PCTP: variants seen among roughly 807,000 people sequenced by gnomAD.
PCTP encodes phosphatidylcholine transfer protein, also known as START domain-containing protein 2.
PCTP carries 27 observed loss-of-function variants against 31.0 expected under a neutral mutation model. The ratio of observed to expected loss-of-function variants is 0.87; its 90% CI spans 0.64 to 1.20. The LOEUF (loss-of-function observed/expected upper bound fraction) is 1.20. Ranked by LOEUF, PCTP falls within the 50% of genes most tolerant of loss-of-function variation. The pLI, the probability that PCTP is intolerant of heterozygous loss-of-function variation, is 0.00. For synonymous variants in PCTP, 108 were observed against 101.2 expected (o/e 1.07, Z -0.40); for missense variants, 287 against 268.2 (o/e 1.07, Z -0.49).
chr17:55,768,037 T>C (rs1910781072), intron 2 of PCTP, among the ~76,000 whole-genome samples: 1 of 149,600 alleles, frequency 6.7e-6, no homozygotes, highest in South Asian at 2.1e-4. Context: ...GAGGTTGCAG[T>C]GAGCCAAGAC....
Position 55,777,229 on chromosome 17 carries a change from A to G in PCTP, c.*1129A>G. ...GGGAAAAATTTTAATCACTGTGTAT[A>G]ATGATACTGAACCTTGATTAATAAC... On this transcript the variant is annotated 3_prime_UTR_variant, in exon 6 of 6. Transcript: ENST00000268896. 1.0e-6 allele frequency: 1 copy of G among 985,366 alleles called. No homozygotes were observed. Among genetic ancestry groups the G allele is most frequent in the Non-Finnish European group, 1.2e-6 (1 of 829,524 alleles). 61.0% of individuals were successfully genotyped at this position (985,366 alleles called of 1,614,324 possible).
intron 3 of PCTP, among the ~76,000 whole-genome samples, chr17:55,811,464 G>T (rs558039428): frequency 8.7e-4 from 133 of 152,214 alleles, no homozygotes; most frequent in Middle Eastern, 3.4e-3. Flanking sequence ...TAGTCCCAAG[G>T]TTACTCTGCT....
intron 5 of PCTP, among the ~76,000 whole-genome samples, chr17:55,831,762 G>A (rs1042486767): frequency 2.6e-5 from 4 of 152,022 alleles, no homozygotes; most frequent in African/African-American, 9.7e-5. Context: ...CACCACGCCC[G>A]GCCAAACAGA....
At chr17:55,765,441 T>C (rs778521877) in intron 1 of PCTP, among the ~76,000 whole-genome samples, 5 of 152,208 alleles carry the variant, frequency 3.3e-5, no homozygotes, top group Non-Finnish European at 7.3e-5. Flanking sequence ...AAGTTATCCT[T>C]GATTCTTTGC....
chr17:55,778,616 G>A (rs182652562), downstream of PCTP, among the ~76,000 whole-genome samples: 63 of 144,394 alleles, frequency 4.4e-4, no homozygotes, highest in Middle Eastern at 0.018. Flanking sequence ...TGTGGGGTGC[G>A]GGGTGGGCGG....
chr17:55,839,960 G>GT (rs1306252529), intron 5 of PCTP, among the ~76,000 whole-genome samples: 1 of 139,550 alleles, frequency 7.2e-6, no homozygotes, highest in African/African-American at 2.7e-5. Context: ...ACTGAAGCAC[G>GT]TTTTCAAGGT....
Position 55,776,120 on chromosome 17 carries a change from T to C in PCTP, c.*20T>C, listed in dbSNP as rs764750613. On this transcript the variant is annotated 3_prime_UTR_variant, in exon 6 of 6. Transcript: ENST00000268896. ...ACCTAAGAAAGAGAACTGGGAACAT[T>C]GCATCCATGGGTTGATGTCTCTGGA... 4 of 1,613,672 alleles carry C rather than the reference T, an allele frequency of 2.5e-6. No individual in the cohort carries two copies. Among genetic ancestry groups the C allele is most frequent in the Non-Finnish European group, 3.4e-6 (4 of 1,179,814 alleles).
chr17:55,813,691 T>G (rs1912825259), intron 3 of PCTP, among the ~76,000 whole-genome samples: 1 of 152,210 alleles, frequency 6.6e-6, no homozygotes, highest in Non-Finnish European at 1.5e-5. Flanking sequence ...CATCTATTCT[T>G]ATGTAACTGT....
intron 5 of PCTP, among the ~76,000 whole-genome samples, chr17:55,835,233 A>G (rs895060785): frequency 2.0e-5 from 3 of 152,176 alleles, no homozygotes; most frequent in African/African-American, 7.2e-5. Flanking sequence ...GTGAGACAAT[A>G]AATGCCTGCC....
intron 3 of PCTP, among the ~76,000 whole-genome samples, chr17:55,812,870 CT>C (rs758701506): frequency 1.2e-4 from 19 of 152,260 alleles, no homozygotes; most frequent in Non-Finnish European, 2.6e-4. Flanking sequence ...GAGAAGGATC[CT>C]TTAGTTAGAA....
rs551055256 is a variant in PCTP at position 55,766,445 on chromosome 17, T to C, written c.142-890T>C. Among the ~76,000 whole-genome samples the C allele has an allele frequency of 4.3e-3, 527 of 122,124 alleles. 4 individuals are homozygous for C. Among genetic ancestry groups the C allele is most frequent in the African/African-American group, 0.016 (484 of 31,082 alleles). 80.1% of individuals were successfully genotyped at this position (122,124 alleles called of 152,430 possible). A position where few individuals can be genotyped will look rare whatever the true frequency, so the allele number is the denominator to read the frequency against. On this transcript the variant is annotated intron_variant, in intron 1 of 5. Coordinates refer to ENST00000268896, the MANE Select transcript of PCTP (RefSeq NM_021213.4). ...CCCCACAACAGTCCCCAGAGTGTAA[T>C]GTTCCCCTTCCTGTGTCCATGTGTT...
intron 1 of PCTP, among the ~76,000 whole-genome samples, chr17:55,751,923 T>C (rs981877120): frequency 2.6e-5 from 4 of 152,164 alleles, no homozygotes; most frequent in Non-Finnish European, 4.4e-5. Context: ...ATCAGTTGCT[T>C]TGTGTAATAG....
At chr17:55,798,210 G>C (rs1384588019) in intron 3 of PCTP, among the ~76,000 whole-genome samples, 3 of 151,952 alleles carry the variant, frequency 2.0e-5, no homozygotes, top group Non-Finnish European at 4.4e-5. Flanking sequence ...ATGTAGAAAA[G>C]GGTCTAAGAG....
At chr17:55,823,458 G>A (rs1201123741), downstream of PCTP, among the ~76,000 whole-genome samples, 1 of 152,162 alleles carries the variant, frequency 6.6e-6, no homozygotes, top group Non-Finnish European at 1.5e-5. Flanking sequence ...ATATTAAAAT[G>A]GCAGCAAAGC....
chr17:55,824,709 T>C (rs1209767812), downstream of PCTP, among the ~76,000 whole-genome samples: 1 of 152,176 alleles, frequency 6.6e-6, no homozygotes, highest in Non-Finnish European at 1.5e-5. Flanking sequence ...AATTTAGCCT[T>C]GGAGAAGACC....
At chr17:55,774,163 T>G (rs1911178457) in intron 4 of PCTP, among the ~76,000 whole-genome samples, 1 of 152,186 alleles carries the variant, frequency 6.6e-6, no homozygotes, top group African/African-American at 2.4e-5. Flanking sequence ...CCATTATAAG[T>G]AAGCCAGAGA....
downstream of PCTP, among the ~76,000 whole-genome samples, chr17:55,779,996 G>A (rs1337405452): frequency 6.6e-6 from 1 of 152,086 alleles, no homozygotes; most frequent in Non-Finnish European, 1.5e-5. Flanking sequence ...GGGGCCAGAA[G>A]TGGGAGAGAA....
At chr17:55,762,228 G>A (rs62080726) in intron 1 of PCTP, among the ~76,000 whole-genome samples, 1 of 152,202 alleles carries the variant, frequency 6.6e-6, no homozygotes, top group Non-Finnish European at 1.5e-5. Context: ...GGGCCTGGAG[G>A]AAGGAGAAAA....
chr17:55,826,479 A>AG (rs2145071937), downstream of PCTP, among the ~76,000 whole-genome samples: 1 of 151,994 alleles, frequency 6.6e-6, no homozygotes, highest in Admixed American at 6.6e-5. Context: ...AAAAAAAAAA[A>AG]AAGAAGGTGA....
Sources: allele counts gnomAD v4.1 joint callset (sites outside exome capture counted in the v4.1 genomes callset), GRCh38; gene constraint gnomAD v4.1.1; transcripts MANE v1.5; gene names NCBI Gene and HGNC (gene_info 2026-07-23, HGNC 2026-07-21).